Variants in NFKB1 observed in about 807,000 individuals in gnomAD.
The protein encoded by NFKB1 is nuclear factor kappa B subunit 1, also known as nuclear factor NF-kappa-B p105 subunit.
In NFKB1, 9 loss-of-function variants were observed where a neutral mutation model predicts 105.1. That is an observed-to-expected ratio of 0.09 (90% confidence interval 0.05 to 0.15). The LOEUF (loss-of-function observed/expected upper bound fraction) is 0.15. Among genes scored for constraint, NFKB1 ranks in the 10% least tolerant of loss-of-function variants. NFKB1 has a pLI of 1.00. For synonymous variants in NFKB1, 440 were observed against 442.2 expected, an observed-to-expected ratio of 1.00 and a Z score of 0.06; for missense variants, 830 against 1,203.7, an observed-to-expected ratio of 0.69 and a Z score of 4.59.
At chr4:102,579,084 C>A (rs1388816396) in intron 8 of NFKB1, 45 bp downstream of exon 8, 1 of 1,575,242 alleles carries the variant, frequency 6.3e-7, no homozygotes, top group East Asian at 2.3e-5. Flanking sequence ...GAATAGACTT[C>A]CAGCCCTGCC....
chr4:102,505,831 C>T (rs139355859), intron 1 of NFKB1, among the ~76,000 whole-genome samples: 52 of 152,196 alleles, frequency 3.4e-4, no homozygotes, highest in Admixed American at 1.2e-3. Flanking sequence ...ACATAGTAAG[C>T]AATCATTAAC....
chr4:102,515,179 C>A (rs1348029016), intron 1 of NFKB1, among the ~76,000 whole-genome samples: 1 of 130,910 alleles, frequency 7.6e-6, no homozygotes, highest in Non-Finnish European at 1.6e-5. Context: ...GGCGGGATCT[C>A]GGCTCACTGC....
intron 15 of NFKB1, 91 bp downstream of exon 15, chr4:102,597,752 G>A (rs1309148545): frequency 1.4e-6 from 2 of 1,408,596 alleles, no homozygotes; most frequent in Non-Finnish European, 1.9e-6. Context: ...AAAAATAATT[G>A]TTCAAATATA....
intron 5 of NFKB1, among the ~76,000 whole-genome samples, chr4:102,558,684 C>T (rs1481783114): frequency 6.6e-6 from 1 of 151,984 alleles, no homozygotes; most frequent in Non-Finnish European, 1.5e-5. Context: ...AGGGTCTCAC[C>T]CTGTTGCCCA....
At chr4:102,544,860 A>C (rs909042303) in intron 5 of NFKB1, among the ~76,000 whole-genome samples, 2 of 151,996 alleles carry the variant, frequency 1.3e-5, no homozygotes, top group Admixed American at 1.3e-4. Context: ...TGAATTTTAA[A>C]TTTTGTTTTG....
At chr4:102,606,139 A>G (rs1727698767) in intron 16 of NFKB1, among the ~76,000 whole-genome samples, 1 of 152,244 alleles carries the variant, frequency 6.6e-6, no homozygotes, top group Non-Finnish European at 1.5e-5. Flanking sequence ...TTGTAAGTAT[A>G]TGAAGTGATG....
intron 6 of NFKB1, among the ~76,000 whole-genome samples, chr4:102,572,896 A>G (rs547146408): frequency 2.0e-5 from 3 of 152,302 alleles, no homozygotes; most frequent in South Asian, 4.1e-4. Context: ...CTTCTGCCTC[A>G]GGCACTTCCT....
At chr4:102,572,724 T>C (rs1724486391) in intron 6 of NFKB1, among the ~76,000 whole-genome samples, 1 of 152,254 alleles carries the variant, frequency 6.6e-6, no homozygotes, top group Admixed American at 6.5e-5. Context: ...TGTTTGTTGG[T>C]GGCATGTGTG....
In NFKB1 at chr4:102,613,001, C is replaced by T. The variant is rs186501166; in HGVS notation, c.2592+395C>T. Among the ~76,000 whole-genome samples, 46 of 151,694 alleles carry T rather than the reference C, an allele frequency of 3.0e-4. No homozygotes were observed. The East Asian group carries it at 6.4e-3, about 21-fold the overall frequency. On this transcript the variant is annotated intron_variant, in intron 22 of 23. Coordinates refer to ENST00000226574, the MANE Select transcript of NFKB1 (RefSeq NM_003998.4). Reference sequence around the variant, plus strand: ...GGTGACTCCTAGTGGAGCCATTACCCGGGGATTTTTTTTTTTCATTTCTAA... The same window carrying T: ...GGTGACTCCTAGTGGAGCCATTACCTGGGGATTTTTTTTTTTCATTTCTAA...
rs540642786 is a variant in NFKB1, at chr4:102,511,807, G to A, written c.-8+10019G>A. Among the ~76,000 whole-genome samples the A allele has an allele frequency of 8.5e-5, 13 of 152,342 alleles. No individual in the cohort carries two copies. In the Middle Eastern group the frequency reaches 0.02, roughly 239 times the overall value. ...TAGTGATTTATCTCAAGGTGAACAC[G>A]TTTAACCTAGTGGGTGGTCAAGAAA... On this transcript the variant is annotated intron_variant, in intron 1 of 23. Transcript: ENST00000226574.
intron 5 of NFKB1, among the ~76,000 whole-genome samples, chr4:102,552,006 C>G (rs549975616): frequency 4.6e-5 from 7 of 152,262 alleles, no homozygotes; most frequent in Non-Finnish European, 1.0e-4. Flanking sequence ...CATGAACCAG[C>G]AATGCAATGT....
At position 102,584,810 on chromosome 4, in the gene NFKB1, T is replaced by C; in HGVS notation, c.1056T>C (p.Pro352=). The C allele has an allele frequency of 6.2e-7, 1 of 1,601,724 alleles. No individual in the cohort carries two copies. Among genetic ancestry groups the C allele is most frequent in the Non-Finnish European group, 8.5e-7 (1 of 1,176,126 alleles). Residue 352 remains proline, a synonymous_variant, in exon 11 of 24, where the codon CCT becomes CCC. Transcript: ENST00000226574. ...TSEPKPFLYY[P]EIKDKEEVQR... is the part of the protein sequence containing the mutation. ...AACCAAAACCTTTCCTCTACTATCC[T>C]GAAATCAAAGGTAAGTCAGTTGTTT... is the stretch of plus-strand genomic sequence containing the variant.
chr4:102,574,587 G>T (rs1724660331), intron 6 of NFKB1, among the ~76,000 whole-genome samples: 1 of 152,256 alleles, frequency 6.6e-6, no homozygotes, highest in East Asian at 1.9e-4. Flanking sequence ...GCCAGGCTCT[G>T]TTGGGGTTCC....
In NFKB1 at chr4:102,596,174, G is replaced by T; in HGVS notation, c.1337G>T (p.Gly446Val). Residue 446 changes from glycine to valine, a missense_variant, in exon 14 of 24, where the codon GGT becomes GTT. By Grantham distance (109) the Gly-to-Val change is moderately radical (BLOSUM62 -3). Transcript: ENST00000226574. ...ACTGAATCTAAAAAGGACCCTGAAG[G>T]TTGTGACAAAAGTGATGACAAAAAC... is the stretch of plus-strand genomic sequence containing the variant. ...MDTESKKDPE[G>V]CDKSDDKNTV... The T allele has an allele frequency of 3.7e-6, 6 of 1,610,722 alleles. No homozygotes were observed. The highest frequency in any genetic ancestry group is 4.2e-6 in the Non-Finnish European group (5 of 1,177,732).
chr4:102,601,883 C>T (rs1044962276), intron 16 of NFKB1, among the ~76,000 whole-genome samples: 7 of 152,324 alleles, frequency 4.6e-5, no homozygotes, highest in African/African-American at 1.7e-4. Context: ...TGTCTTTCCC[C>T]TACTCCCACC....
chr4:102,540,135 A>G (rs1381155092), intron 5 of NFKB1, among the ~76,000 whole-genome samples: 1 of 152,122 alleles, frequency 6.6e-6, no homozygotes, highest in African/African-American at 2.4e-5. Context: ...TAAGCGAAAA[A>G]CTGGGAGTTT....
At chr4:102,593,608 G>A (rs763714041) in intron 12 of NFKB1, 40 bp downstream of exon 12, 1 of 1,582,776 alleles carries the variant, frequency 6.3e-7, no homozygotes, top group Non-Finnish European at 8.6e-7. Context: ...TTTTCATATT[G>A]GAGAGGGTAG....
intron 20 of NFKB1, among the ~76,000 whole-genome samples, chr4:102,611,612 A>C (rs1240754705): frequency 6.6e-6 from 1 of 152,230 alleles, no homozygotes; most frequent in Admixed American, 6.5e-5. Flanking sequence ...AGACATCTCA[A>C]TTTGAGCAAG....
rs56977004 is a variant in NFKB1 at position 102,574,125 on chromosome 4, CTTTTTTT to C, written c.408-2738_408-2732del. On this transcript the variant is annotated intron_variant, in intron 6 of 23. Transcript: ENST00000226574. The stretch of plus-strand genomic sequence containing the variant: ...TTTTGTATCGTTAAGTCTTGGATTC[CTTTTTTT>C]TTTTTTTTTTTTGATGTGCTTTTAA... Among the ~76,000 whole-genome samples the C allele has an allele frequency of 4.3e-5, 4 of 93,248 alleles. No individual in the cohort carries two copies. The East Asian group carries it at 1.3e-3, about 30-fold the overall frequency. 61.2% of individuals were successfully genotyped at this position (93,248 alleles called of 152,430 possible). A position where few individuals can be genotyped will look rare whatever the true frequency, so the allele number is the denominator to read the frequency against.
Sources: allele counts gnomAD v4.1 joint callset (sites outside exome capture counted in the v4.1 genomes callset), GRCh38; gene constraint gnomAD v4.1.1; transcripts MANE v1.5; gene names NCBI Gene and HGNC (gene_info 2026-07-23, HGNC 2026-07-21).